GALNT3: variants seen among roughly 807,000 people sequenced by gnomAD.
The protein encoded by GALNT3 is polypeptide N-acetylgalactosaminyltransferase 3.
Under a neutral mutation model 69.8 loss-of-function variants are expected in GALNT3, and 51 were observed. That is an observed-to-expected ratio of 0.73 (90% CI 0.58 to 0.92). GALNT3 has a LOEUF of 0.92. Among genes scored for constraint, GALNT3 ranks in the 40% least tolerant of loss-of-function variants. The probability of loss-of-function intolerance (pLI) is 0.00; values close to 1 mark genes in which losing one functional copy is unlikely to be tolerated. For missense variants in GALNT3, 711 were observed against 760.0 expected (o/e 0.94, Z 0.76); for synonymous variants, 265 against 248.5 (o/e 1.07, Z -0.63).
At chr2:165,777,540 G>A (rs555553958) in intron 1 of GALNT3, among the ~76,000 whole-genome samples, 1 of 152,314 alleles carries the variant, frequency 6.6e-6, no homozygotes, top group African/African-American at 2.4e-5. Context: ...GGGAACAGAG[G>A]AGTGGCAGAA....
rs1201348122 is a variant in GALNT3 at position 165,748,882 on chromosome 2, A to G, written c.1801T>C (p.Phe601Leu). ...IQKDQLLYNP[F>L]LKMCLSANGE... ...TTTGCTGAAAGGCACATTTTTAAGA[A>G]TGGATTGTATAGAAGTTGATCCTAG... The change falls in exon 11 of 11, where the codon TTC becomes CTC. Residue 601 changes from phenylalanine (F) to leucine (L), a missense_variant. By Grantham distance (22) the Phe-to-Leu change is conservative (BLOSUM62 0). Transcript: ENST00000392701. The G allele has an allele frequency of 3.1e-6, 5 of 1,610,578 alleles. No individual in the cohort carries two copies. The highest frequency in any genetic ancestry group is 1.7e-4 in the Middle Eastern group (1 of 5,982).
At chr2:165,777,228 T>G (rs1472695514) in intron 1 of GALNT3, among the ~76,000 whole-genome samples, 1 of 152,182 alleles carries the variant, frequency 6.6e-6, no homozygotes, top group Non-Finnish European at 1.5e-5. Flanking sequence ...TATACAAAAC[T>G]TCCTTACTAC....
chr2:165,756,418 T>A (rs1009456775), intron 7 of GALNT3, among the ~76,000 whole-genome samples: 29 of 152,184 alleles, frequency 1.9e-4, no homozygotes, highest in African/African-American at 7.0e-4. Flanking sequence ...TACCATATAT[T>A]TGTTAGCACT....
At chr2:165,761,147 A>G (rs1968293) in intron 4 of GALNT3, among the ~76,000 whole-genome samples, 58,723 of 151,504 alleles carry the variant, frequency 0.39, 12,665 homozygotes, top group Non-Finnish European at 0.49. Flanking sequence ...AAACTAAAAT[A>G]TAAAAAAAGC....
At position 165,749,802 on chromosome 2, in the gene GALNT3, T is replaced by C; in HGVS notation, c.1719A>G (p.Ala573=). Residue 573 remains alanine (A), a synonymous_variant, in exon 10 of 11, where the codon GCA becomes GCG. Transcript: ENST00000392701. ...HAAQGLVQLK[A]CTYKGHKTVV... is the part of the protein sequence containing the mutation. The stretch of plus-strand genomic sequence containing the variant: ...CTGTCTTGTGACCTTTGTAGGTACA[T>C]GCCTTCAGCTGAACGAGACCTTGAG... 6.2e-7 allele frequency: 1 copy of C among 1,613,732 alleles called. No individual in the cohort carries two copies. The highest frequency in any genetic ancestry group is 8.5e-7 in the Non-Finnish European group (1 of 1,179,650).
At chr2:165,756,559 A>G (rs953430845) in intron 7 of GALNT3, among the ~76,000 whole-genome samples, 1 of 152,164 alleles carries the variant, frequency 6.6e-6, no homozygotes. Context: ...CAGCCACTCT[A>G]TGAAGTGTCT....
At chr2:165,758,354 C>A (rs971345831) in intron 6 of GALNT3, among the ~76,000 whole-genome samples, 1 of 152,116 alleles carries the variant, frequency 6.6e-6, no homozygotes, top group African/African-American at 2.4e-5. Context: ...AAATCAAGCT[C>A]ATTCATTCCA....
chr2:165,771,016 T>C (rs1342078885), intron 1 of GALNT3, among the ~76,000 whole-genome samples: 1 of 152,152 alleles, frequency 6.6e-6, no homozygotes, highest in Admixed American at 6.5e-5. Flanking sequence ...GTTGCAAAAA[T>C]ATTGATATTC....
chr2:165,788,771 C>T (rs1186285569), intron 1 of GALNT3, among the ~76,000 whole-genome samples: 1 of 151,942 alleles, frequency 6.6e-6, no homozygotes, highest in Non-Finnish European at 1.5e-5. Flanking sequence ...AAGTCTATTG[C>T]TGGGAAATAA....
chr2:165,751,888 G>A (rs143020502), intron 9 of GALNT3, among the ~76,000 whole-genome samples: 56 of 151,976 alleles, frequency 3.7e-4, no homozygotes, highest in African/African-American at 1.2e-3. Flanking sequence ...TTTGCAAAAC[G>A]GTTTAAGTGC....
chr2:165,790,794 A>G (rs896997134), intron 1 of GALNT3, among the ~76,000 whole-genome samples: 4 of 152,102 alleles, frequency 2.6e-5, no homozygotes, highest in African/African-American at 7.2e-5. Context: ...GGAGAGGGGG[A>G]GTGTAATTCC....
Position 165,759,045 on chromosome 2 carries a change from C to T in GALNT3, c.1074-181G>A, listed in dbSNP as rs4667835. On this transcript the variant is annotated intron_variant, in intron 5 of 10. Coordinates refer to ENST00000392701, the MANE Select transcript of GALNT3 (RefSeq NM_004482.4). ...ATTTTTGGGGTCGGGGGGAGTACTTCGTGTCCTCTCCCATTGGAGTAAACT... is the reference window on the plus strand; with the variant it reads ...ATTTTTGGGGTCGGGGGGAGTACTTTGTGTCCTCTCCCATTGGAGTAAACT... 0.52 allele frequency among the ~76,000 whole-genome samples: 78,802 copies of T among 151,896 alleles called. 20,644 individuals carry two copies. Among genetic ancestry groups the T allele is most frequent in the Middle Eastern group, 0.65 (189 of 292 alleles).
intron 1 of GALNT3, among the ~76,000 whole-genome samples, chr2:165,791,919 A>G (rs1030506699): frequency 6.6e-6 from 1 of 152,192 alleles, no homozygotes; most frequent in East Asian, 1.9e-4. Context: ...AGAGTGAAGA[A>G]AGAGCAATGG....
chr2:165,763,692 TCA>T (rs1241685747), intron 3 of GALNT3, among the ~76,000 whole-genome samples: 4 of 152,132 alleles, frequency 2.6e-5, no homozygotes, highest in Admixed American at 1.3e-4. Context: ...ATATACCCTC[TCA>T]CTGTTGGAAT....
chr2:165,787,409 T>G (rs868682434), intron 1 of GALNT3, among the ~76,000 whole-genome samples: 4 of 152,112 alleles, frequency 2.6e-5, no homozygotes, highest in Non-Finnish European at 5.9e-5. Flanking sequence ...TGTTAAGGAG[T>G]TTGCCTTATC....
intron 3 of GALNT3, 50 bp from the exon 4 acceptor site, chr2:165,762,104 TA>T: frequency 4.6e-6 from 6 of 1,295,394 alleles, no homozygotes; most frequent in Non-Finnish European, 6.7e-6. Flanking sequence ...CATTTTCATA[TA>T]TAGCTTATGA....
In GALNT3 at chr2:165,787,454, C is replaced by A. The variant is rs532403469; in HGVS notation, c.-109+6561G>T. 3.5e-4 allele frequency among the ~76,000 whole-genome samples: 54 copies of A among 152,264 alleles called. No homozygotes were observed. The South Asian group carries it at 0.011, about 32-fold the overall frequency. On this transcript the variant is annotated intron_variant, in intron 1 of 10. Coordinates refer to ENST00000392701, the MANE Select transcript of GALNT3 (RefSeq NM_004482.4). ...ATGAAGGGCTTTATGCAGGGTATAA[C>A]ATAACCACATATTTTGAAAAGATCA...
At chr2:165,759,226 G>A (rs1007016788) in intron 5 of GALNT3, 110 bp downstream of exon 5, 6 of 842,410 alleles carry the variant, frequency 7.1e-6, no homozygotes, top group East Asian at 5.3e-5. Flanking sequence ...TAGAATATGT[G>A]TGTTCTTTAT....
Position 165,770,617 on chromosome 2 carries a change from A to G in GALNT3, c.84T>C (p.Phe28=). The G allele has an allele frequency of 1.2e-6, 2 of 1,602,202 alleles. No individual in the cohort carries two copies. The highest frequency in any genetic ancestry group is 1.7e-6 in the Non-Finnish European group (2 of 1,175,692). ...TTAAAACCAAAACTATTATAAAGAA[A>G]AAAATTACTGCACCAAGCTTCCAGA... ...KKFWKLGAVI[F]FFIIVLVLMQ... Residue 28 remains phenylalanine (F), a synonymous_variant, in exon 2 of 11, where the codon TTT becomes TTC. Transcript: ENST00000392701.
Sources: allele counts gnomAD v4.1 joint callset (sites outside exome capture counted in the v4.1 genomes callset), GRCh38; gene constraint gnomAD v4.1.1; transcripts MANE v1.5; gene names NCBI Gene and HGNC (gene_info 2026-07-23, HGNC 2026-07-21).